The following GPHN variants were observed in gnomAD, a reference collection of about 807,000 sequenced individuals.
GPHN encodes gephyrin.
Under a neutral mutation model 95.5 loss-of-function variants are expected in GPHN, and 17 were observed. The observed-to-expected ratio is 0.18, with a 90% CI of 0.12 to 0.27. The LOEUF is 0.27. Among genes scored for constraint, GPHN ranks in the 10% least tolerant of loss-of-function variants. The pLI is 1.00. For synonymous variants in GPHN, 320 were observed against 322.5 expected, an observed-to-expected ratio of 0.99 and a Z score of 0.08; for missense variants, 660 against 978.1, an observed-to-expected ratio of 0.67 and a Z score of 4.34.
At chr14:66,893,128 T>C (rs543793399) in intron 5 of GPHN, among the ~76,000 whole-genome samples, 84 of 152,316 alleles carry the variant, frequency 5.5e-4, no homozygotes, top group Non-Finnish European at 9.4e-4. Flanking sequence ...TTTTATATTT[T>C]CCTAAATATC....
chr14:67,412,067 C>T, the GPHN span: 1 of 1,545,300 alleles, frequency 6.5e-7, no homozygotes, highest in Non-Finnish European at 8.7e-7. Flanking sequence ...CATGTCGCCG[C>T]CCGCACGCCA....
chr14:66,679,003 C>A (rs972688597), intron 1 of GPHN, among the ~76,000 whole-genome samples: 3 of 152,140 alleles, frequency 2.0e-5, no homozygotes, highest in Non-Finnish European at 2.9e-5. Context: ...TGTTCTTGGG[C>A]TCCTGGGTGG....
intron 4 of GPHN, among the ~76,000 whole-genome samples, chr14:66,829,803 C>T (rs1180272695): frequency 6.6e-6 from 1 of 152,028 alleles, no homozygotes; most frequent in Non-Finnish European, 1.5e-5. Flanking sequence ...TGTTCAGTGC[C>T]ATGCTTGGTA....
the GPHN span, chr14:67,724,662 T>C: frequency 8.6e-7 from 1 of 1,164,470 alleles, no homozygotes. Context: ...CCTCTGTCCA[T>C]ATTGCTTTGT....
At chr14:67,659,697 G>A in the GPHN span, 419,231 of 1,439,534 alleles carry the variant, frequency 0.29, 54,708 homozygotes, top group Non-Finnish European at 0.31. Flanking sequence ...GCCCTTAAAG[G>A]AAAAAAAAAA....
chr14:67,589,315 A>C, the GPHN span: 2 of 974,872 alleles, frequency 2.1e-6, no homozygotes, highest in Non-Finnish European at 2.4e-6. Flanking sequence ...AAAGGATTCA[A>C]TATTTGCTTA....
chr14:66,785,412 G>A (rs989512392), intron 3 of GPHN, among the ~76,000 whole-genome samples: 2 of 151,802 alleles, frequency 1.3e-5, no homozygotes, highest in Non-Finnish European at 2.9e-5. Context: ...AAGCATTAGT[G>A]GCTGTATTAA....
intron 4 of GPHN, among the ~76,000 whole-genome samples, chr14:66,875,533 A>G (rs1169748364): frequency 6.6e-6 from 1 of 152,244 alleles, no homozygotes; most frequent in Non-Finnish European, 1.5e-5. Flanking sequence ...AAAGACACAC[A>G]TAGGCTCAAA....
the GPHN span, among the ~76,000 whole-genome samples, chr14:67,254,031 C>T: frequency 3.5e-5 from 5 of 141,610 alleles, no homozygotes; most frequent in Admixed American, 7.3e-5. Flanking sequence ...TTCATCCCCC[C>T]CCCCTTACAA....
chr14:66,584,402 T>G (rs1186431203), intron 1 of GPHN, among the ~76,000 whole-genome samples: 1 of 152,212 alleles, frequency 6.6e-6, no homozygotes, highest in Non-Finnish European at 1.5e-5. Context: ...CTGATTGTTC[T>G]GGCCAGAACT....
chr14:67,030,045 C>G (rs955696901), intron 10 of GPHN, among the ~76,000 whole-genome samples: 2 of 147,494 alleles, frequency 1.4e-5, no homozygotes, highest in Non-Finnish European at 3.0e-5. Flanking sequence ...AGACTTCTCT[C>G]ATAGATCTTC....
rs553526181 is a variant in GPHN, at chr14:66,959,324, C to T, written c.829-5867C>T. 2.2e-4 allele frequency among the ~76,000 whole-genome samples: 33 copies of T among 151,968 alleles called. No homozygotes were observed. In the East Asian group the frequency reaches 4.1e-3, roughly 19 times the overall value. On this transcript the variant is annotated intron_variant, in intron 8 of 22. Coordinates refer to ENST00000478722, the MANE Select transcript of GPHN (RefSeq NM_020806.5). ...CAGAGGATTCACAAACAAAAATATA[C>T]GTGAGATACTGACCTTTGTGTTTAC...
chr14:67,225,313 T>C, the GPHN span: 2 of 1,296,626 alleles, frequency 1.5e-6, no homozygotes, highest in Non-Finnish European at 2.0e-6. Context: ...ATAGCTATGA[T>C]ACTGTCACAC....
chr14:67,279,709 C>A, the GPHN span: 1 of 540,386 alleles, frequency 1.9e-6, no homozygotes, highest in Non-Finnish European at 3.0e-6. Flanking sequence ...TTACTGTTAC[C>A]AACATAGAGC....
At chr14:67,601,697 T>C in the GPHN span, among the ~76,000 whole-genome samples, 1 of 150,920 alleles carries the variant, frequency 6.6e-6, no homozygotes, top group Admixed American at 6.6e-5. Context: ...GGGTCAGGAG[T>C]TCAAGATCAG....
the GPHN span, chr14:67,573,220 G>A: frequency 8.9e-7 from 1 of 1,120,586 alleles, no homozygotes; most frequent in Non-Finnish European, 1.4e-6. This position sits in a 1 kb window ranked among gnomAD's most constrained non-coding sequence, Gnocchi z 4.8. Flanking sequence ...CCTGTGTGAT[G>A]TCTAGGAGCC....
At position 67,006,754 on chromosome 14, in the gene GPHN, A is replaced by C. The variant is rs553840961; in HGVS notation, c.964-16879A>C. On this transcript the variant is annotated intron_variant, in intron 9 of 22. Transcript: ENST00000478722. Reference sequence around the variant, plus strand: ...TGGAGGTTAGGAGTCCCTTCACAGAATGCACTTGGGTGGAAGAGTAGGAAA... The same window carrying C: ...TGGAGGTTAGGAGTCCCTTCACAGACTGCACTTGGGTGGAAGAGTAGGAAA... Among the ~76,000 whole-genome samples, 6 of 152,286 alleles carry C rather than the reference A, an allele frequency of 3.9e-5. No homozygotes were observed. The South Asian group carries it at 1.0e-3, about 26-fold the overall frequency.
At chr14:66,661,912 TG>T (rs2065681778) in intron 1 of GPHN, among the ~76,000 whole-genome samples, 1 of 152,182 alleles carries the variant, frequency 6.6e-6, no homozygotes, top group South Asian at 2.1e-4. Flanking sequence ...ATGGCCATCC[TG>T]CTTCCTTAAG....
At chr14:66,908,608 G>A (rs867588524) in intron 5 of GPHN, among the ~76,000 whole-genome samples, 27 of 152,032 alleles carry the variant, frequency 1.8e-4, no homozygotes, top group Non-Finnish European at 2.8e-4. Context: ...TCCTTCCAAA[G>A]AGTACAGAAC....
Sources: allele counts gnomAD v4.1 joint callset (sites outside exome capture counted in the v4.1 genomes callset), GRCh38; gene constraint gnomAD v4.1.1; non-coding constraint Gnocchi (gnomAD v3.1); transcripts MANE v1.5; gene names NCBI Gene and HGNC (gene_info 2026-07-23, HGNC 2026-07-21).